YWHAG: variants seen among roughly 807,000 people sequenced by gnomAD.
YWHAG encodes tyrosine 3-monooxygenase/tryptophan 5-monooxygenase activation protein gamma, also known as 14-3-3 protein gamma.
In YWHAG, 1 loss-of-function variant was observed where a neutral mutation model predicts 23.3. The ratio of observed to expected loss-of-function variants is 0.04; its 90% CI spans 0.02 to 0.20. The LOEUF is 0.20. YWHAG is among the 10% of genes least tolerant of loss of function. The pLI is 1.00. For synonymous variants in YWHAG, 160 were observed against 144.0 expected, an observed-to-expected ratio of 1.11 and a Z score of -0.80; for missense variants, 151 against 338.6, an observed-to-expected ratio of 0.45 and a Z score of 4.35.
At chr7:76,349,159 G>A (rs951555021) in intron 1 of YWHAG, among the ~76,000 whole-genome samples, 1 of 151,728 alleles carries the variant, frequency 6.6e-6, no homozygotes, top group African/African-American at 2.4e-5. Flanking sequence ...TGGCTAACAC[G>A]GTGAAACCTC....
chr7:76,351,202 C>T (rs1803867836), intron 1 of YWHAG, among the ~76,000 whole-genome samples: 1 of 152,188 alleles, frequency 6.6e-6, no homozygotes, highest in African/African-American at 2.4e-5. Flanking sequence ...AGTAGTCAAT[C>T]CCATTGTTCA....
At chr7:76,330,926 C>T (rs1583982136) in intron 1 of YWHAG, among the ~76,000 whole-genome samples, 1 of 152,138 alleles carries the variant, frequency 6.6e-6, no homozygotes, top group Non-Finnish European at 1.5e-5. Flanking sequence ...CTCAAGGCTC[C>T]CGCCCTCATC....
At chr7:76,330,287 A>G (rs774513890) in intron 1 of YWHAG, 54 bp from the exon 2 acceptor site, 1 of 1,551,838 alleles carries the variant, frequency 6.4e-7, no homozygotes, top group Non-Finnish European at 8.7e-7. Context: ...CCACTGGGTT[A>G]ACTGTATCTT....
At chr7:76,347,114 A>C (rs1371284006) in intron 1 of YWHAG, among the ~76,000 whole-genome samples, 2 of 152,180 alleles carry the variant, frequency 1.3e-5, no homozygotes, top group Non-Finnish European at 1.5e-5. Context: ...ACCAGTGTCA[A>C]CTAAGCGTCC....
rs533815184 is a variant in YWHAG, at chr7:76,345,088, G to A, written c.87+13634C>T. 2.2e-4 allele frequency among the ~76,000 whole-genome samples: 33 copies of A among 152,254 alleles called. 1 individual carries two copies. In the South Asian group the frequency reaches 6.8e-3, roughly 32 times the overall value. ...GGGGACACTGAGAGAGAGAACTAGA[G>A]GTTGAAGTCACTACAAACGGCCTGG... On this transcript the variant is annotated intron_variant, in intron 1 of 1. Coordinates refer to ENST00000307630, the MANE Select transcript of YWHAG (RefSeq NM_012479.4).
chr7:76,351,796 A>G (rs972419487), intron 1 of YWHAG, among the ~76,000 whole-genome samples: 2 of 152,214 alleles, frequency 1.3e-5, no homozygotes, highest in Non-Finnish European at 2.9e-5. Flanking sequence ...GGTGAGTTGT[A>G]TAATTATTAC....
At chr7:76,340,761 T>A (rs1483150817) in intron 1 of YWHAG, among the ~76,000 whole-genome samples, 1 of 152,208 alleles carries the variant, frequency 6.6e-6, no homozygotes, top group Admixed American at 6.5e-5. Context: ...GAACCATGCA[T>A]ATCTATTTCT....
chr7:76,357,606 C>T (rs546673899), intron 1 of YWHAG, among the ~76,000 whole-genome samples: 1 of 152,042 alleles, frequency 6.6e-6, no homozygotes, highest in Non-Finnish European at 1.5e-5. Context: ...CGACAACTGG[C>T]GATCGGTATT....
rs1804007537 is a variant in YWHAG at position 76,358,922 on chromosome 7, A to T, written c.-114T>A. On this transcript the variant is annotated 5_prime_UTR_variant, in exon 1 of 2. Transcript: ENST00000307630. ...GAGAGGACCGACCCACAGAGCGAGC[A>T]GCTGAGGCGGCGGCTGCGCGGAGGA... The T allele has an allele frequency of 9.9e-7, 1 of 1,006,790 alleles. No individual in the cohort carries two copies. Among genetic ancestry groups the T allele is most frequent in the East Asian group, 3.2e-5 (1 of 31,696 alleles). The allele number at this position is 1,006,790 out of a possible 1,614,324, so 62.4% of individuals were successfully genotyped here.
intron 1 of YWHAG, among the ~76,000 whole-genome samples, chr7:76,334,607 G>A (rs1454840698): frequency 6.6e-6 from 1 of 151,834 alleles, no homozygotes; most frequent in Non-Finnish European, 1.5e-5. Flanking sequence ...TAGGGACCAG[G>A]GTCACCCTAT....
intron 1 of YWHAG, among the ~76,000 whole-genome samples, chr7:76,339,638 AT>A (rs769176833): frequency 6.6e-6 from 1 of 152,016 alleles, no homozygotes; most frequent in Non-Finnish European, 1.5e-5. Flanking sequence ...TTAAATGTGA[AT>A]TTTCCTCCAC....
At chr7:76,352,703 GCAGTGGTATGACCT>G (rs1281722534) in intron 1 of YWHAG, among the ~76,000 whole-genome samples, 1 of 151,440 alleles carries the variant, frequency 6.6e-6, no homozygotes, top group Non-Finnish European at 1.5e-5. Flanking sequence ...AGGCTGGAGT[GCAGTGGTATGACCT>G]CAGCTCACTG....
intron 1 of YWHAG, among the ~76,000 whole-genome samples, chr7:76,347,107 A>C (rs1803789901): frequency 6.6e-6 from 1 of 152,130 alleles, no homozygotes; most frequent in Non-Finnish European, 1.5e-5. Flanking sequence ...CCTGACGACC[A>C]GTGTCAACTA....
chr7:76,347,599 AAC>A (rs1051773973), intron 1 of YWHAG, among the ~76,000 whole-genome samples: 9 of 64,594 alleles, frequency 1.4e-4, no homozygotes, highest in Admixed American at 3.1e-4. Flanking sequence ...CAAACAAACA[AAC>A]AAAAAAAACA....
chr7:76,336,558 G>A (rs1803618861), intron 1 of YWHAG, among the ~76,000 whole-genome samples: 1 of 149,122 alleles, frequency 6.7e-6, no homozygotes, highest in Non-Finnish European at 1.5e-5. Context: ...GGGTTCAAGT[G>A]ATTCTCGTGC....
chr7:76,349,662 G>A (rs975046781), intron 1 of YWHAG, among the ~76,000 whole-genome samples: 2 of 152,196 alleles, frequency 1.3e-5, no homozygotes, highest in Admixed American at 6.5e-5. Context: ...GTTTGAAGTT[G>A]TGCCATATTG....
At chr7:76,347,531 A>C (rs1379037395) in intron 1 of YWHAG, among the ~76,000 whole-genome samples, 1 of 152,164 alleles carries the variant, frequency 6.6e-6, no homozygotes, top group Non-Finnish European at 1.5e-5. Context: ...GGTTGCAGTG[A>C]GCTGAGATCG....
rs565688926 is a variant in YWHAG at position 76,328,420 on chromosome 7, G to C, written c.*1157C>G. The C allele has an allele frequency of 4.6e-5, 7 of 152,190 alleles. No individual in the cohort carries two copies. The East Asian group carries it at 1.2e-3, about 25-fold the overall frequency. The allele number at this position is 152,190 out of a possible 1,614,324, so 9.4% of individuals were successfully genotyped here. On this transcript the variant is annotated 3_prime_UTR_variant, in exon 2 of 2. Coordinates refer to ENST00000307630, the MANE Select transcript of YWHAG (RefSeq NM_012479.4). The stretch of plus-strand genomic sequence containing the variant: ...GAGGAAAAACTGACACACTGACAAG[G>C]CTCCCGAAATTGGACAGAATGGTTA...
At chr7:76,333,404 A>G (rs569595620) in intron 1 of YWHAG, among the ~76,000 whole-genome samples, 1 of 152,320 alleles carries the variant, frequency 6.6e-6, no homozygotes, top group South Asian at 2.1e-4. Flanking sequence ...TGCCCAGCAA[A>G]GTCTTCTTGA....
Sources: gnomAD v4.1 joint callset for allele counts (sites outside exome capture counted in the v4.1 genomes callset) on GRCh38, gnomAD v4.1.1 for gene constraint, MANE v1.5 for transcripts, NCBI Gene and HGNC (gene_info 2026-07-23, HGNC 2026-07-21) for gene names.